Variants in ADGRA3 observed in about 807,000 individuals in gnomAD.
The protein encoded by ADGRA3 is G-protein coupled receptor 125.
Under a neutral mutation model 119.8 loss-of-function variants are expected in ADGRA3, and 56 were observed. The ratio of observed to expected loss-of-function variants is 0.47; its 90% confidence interval spans 0.38 to 0.58. ADGRA3 has a LOEUF of 0.58. Ranked by LOEUF, ADGRA3 falls within the 20% of genes least tolerant of loss-of-function variation. The pLI, the probability that ADGRA3 is intolerant of heterozygous loss-of-function variation, is 0.00. For missense variants in ADGRA3, 1,516 were observed against 1,649.0 expected (o/e 0.92, Z 1.40); for synonymous variants, 607 against 623.8 (o/e 0.97, Z 0.40).
intron 1 of ADGRA3, among the ~76,000 whole-genome samples, chr4:22,511,891 C>CTTTT (rs1418515919): frequency 2.5e-5 from 3 of 118,046 alleles, no homozygotes; most frequent in Admixed American, 9.1e-5. Flanking sequence ...ATTTTTCTTT[C>CTTTT]TTTCTTTTTT....
intron 16 of ADGRA3, among the ~76,000 whole-genome samples, chr4:22,400,386 T>G (rs1172014149): frequency 1.3e-5 from 2 of 152,106 alleles, no homozygotes; most frequent in Non-Finnish European, 2.9e-5. Context: ...AAAATCATAT[T>G]CACCAACATA....
chr4:22,462,217 C>T (rs1232070103), intron 2 of ADGRA3, among the ~76,000 whole-genome samples: 1 of 152,144 alleles, frequency 6.6e-6, no homozygotes, highest in Non-Finnish European at 1.5e-5. Context: ...AAACCATCTT[C>T]AAAAATATAC....
intron 1 of ADGRA3, among the ~76,000 whole-genome samples, chr4:22,498,865 G>C (rs554106202): frequency 1.7e-4 from 26 of 151,714 alleles, no homozygotes; most frequent in Non-Finnish European, 3.5e-4. Context: ...AGTGAGCAGA[G>C]ATCACACCAC....
chr4:22,414,034 A>G (rs1342170031), intron 12 of ADGRA3: 7 of 405,228 alleles, frequency 1.7e-5, no homozygotes, highest in Non-Finnish European at 3.0e-5. Context: ...CAAACTTTAA[A>G]GAGTTAAATA....
intron 16 of ADGRA3, among the ~76,000 whole-genome samples, chr4:22,396,985 C>G (rs557055858): frequency 2.0e-5 from 3 of 152,054 alleles, no homozygotes; most frequent in Admixed American, 2.0e-4. Flanking sequence ...ACAATGAAGA[C>G]CTTTATTGCC....
intron 2 of ADGRA3, among the ~76,000 whole-genome samples, chr4:22,464,994 G>A (rs1048870434): frequency 2.6e-5 from 4 of 152,118 alleles, no homozygotes; most frequent in Admixed American, 6.5e-5. Flanking sequence ...TGAACCAGCC[G>A]GTACCCAGGC....
intron 14 of ADGRA3, 28 bp from the exon 15 acceptor site, chr4:22,402,827 A>G (rs1224102452): frequency 2.6e-5 from 42 of 1,596,540 alleles, no homozygotes; most frequent in Non-Finnish European, 3.5e-5. Context: ...GATCCATTCT[A>G]GCAGTACTTC....
At chr4:22,488,600 G>A (rs1577378760) in intron 1 of ADGRA3, among the ~76,000 whole-genome samples, 1 of 150,692 alleles carries the variant, frequency 6.6e-6, no homozygotes, top group Non-Finnish European at 1.5e-5. Context: ...TGGCTACTTC[G>A]GGGATCTAGA....
chr4:22,485,274 C>T lies in ADGRA3; in HGVS notation c.258-11431G>A, dbSNP rs1198104141. The stretch of plus-strand genomic sequence containing the variant: ...TTTGTTATGTTGGCCAGGCTGGTCT[C>T]GAACTCCTGGCCTCAAGTGATCCAC... On this transcript the variant is annotated intron_variant, in intron 1 of 18. Coordinates refer to ENST00000334304, the MANE Select transcript of ADGRA3 (RefSeq NM_145290.4). 4.5e-5 allele frequency among the ~76,000 whole-genome samples: 5 copies of T among 111,760 alleles called. No homozygotes were observed. In the East Asian group the frequency reaches 1.6e-3, roughly 35 times the overall value. 73.3% of individuals were successfully genotyped at this position (111,760 alleles called of 152,430 possible).
intron 8 of ADGRA3, among the ~76,000 whole-genome samples, chr4:22,437,442 C>A (rs1215901654): frequency 1.3e-5 from 2 of 152,142 alleles, no homozygotes; most frequent in Non-Finnish European, 2.9e-5. Flanking sequence ...AGAGACAATG[C>A]AAACTGGGTA....
At chr4:22,462,128 T>G (rs1346331965) in intron 2 of ADGRA3, among the ~76,000 whole-genome samples, 1 of 152,224 alleles carries the variant, frequency 6.6e-6, no homozygotes, top group South Asian at 2.1e-4. Flanking sequence ...CTATAATTTC[T>G]TCTTTAGTAT....
At chr4:22,454,282 A>C (rs1410748891) in intron 4 of ADGRA3, among the ~76,000 whole-genome samples, 1 of 152,188 alleles carries the variant, frequency 6.6e-6, no homozygotes, top group Non-Finnish European at 1.5e-5. Flanking sequence ...AATTTTAAAT[A>C]ATCATTATAA....
In ADGRA3 at chr4:22,415,521, C is replaced by G. The variant is rs556864252; in HGVS notation, c.1810-1707G>C. Among the ~76,000 whole-genome samples the G allele has an allele frequency of 3.3e-5, 5 of 152,140 alleles. No homozygotes were observed. In the East Asian group the frequency reaches 9.7e-4, roughly 29 times the overall value. ...AGATTTCCATTAAGTACACAAATTT[C>G]TCCTAAGTACATAATGACACATGCA... On this transcript the variant is annotated intron_variant, in intron 12 of 18. Transcript: ENST00000334304.
intron 10 of ADGRA3, among the ~76,000 whole-genome samples, chr4:22,433,139 T>C (rs1716254301): frequency 6.6e-6 from 1 of 152,166 alleles, no homozygotes; most frequent in Admixed American, 6.5e-5. Flanking sequence ...AATTATTCAA[T>C]CCTGAATATT....
At chr4:22,506,174 T>TC (rs1322983669) in intron 1 of ADGRA3, among the ~76,000 whole-genome samples, 1 of 152,162 alleles carries the variant, frequency 6.6e-6, no homozygotes, top group African/African-American at 2.4e-5. Flanking sequence ...GGAGTATTTT[T>TC]CTATCAATCT....
intron 1 of ADGRA3, among the ~76,000 whole-genome samples, chr4:22,503,587 A>G (rs1719127382): frequency 6.6e-6 from 1 of 152,114 alleles, no homozygotes; most frequent in Non-Finnish European, 1.5e-5. Context: ...CCATGGCAGC[A>G]CTGGCTGTTA....
intron 4 of ADGRA3, among the ~76,000 whole-genome samples, chr4:22,447,914 G>C (rs1018481522): frequency 6.6e-6 from 1 of 152,060 alleles, no homozygotes; most frequent in African/African-American, 2.4e-5. Flanking sequence ...AATAACAAAA[G>C]GAAAAGGATG....
In ADGRA3 at chr4:22,413,377, T is replaced by C. The variant is rs1715297074; in HGVS notation, c.2037A>G (p.Val679=). Residue 679 remains valine, a synonymous_variant, in exon 14 of 19, where the codon GTA becomes GTG. Coordinates refer to ENST00000334304, the MANE Select transcript of ADGRA3 (RefSeq NM_145290.4). ...VILTKIDGVN[V]DTHHIPVNVT... ...CATTAACAGGGATGTGGTGGGTATC[T>C]ACATTCACACCATCTGGAGAAAATG... is the stretch of plus-strand genomic sequence containing the variant. The C allele has an allele frequency of 6.8e-6, 11 of 1,613,198 alleles. No individual in the cohort carries two copies. The highest frequency in any genetic ancestry group is 2.2e-5 in the South Asian group (2 of 91,066).
chr4:22,476,648 CTTTTTGGGTTTTTCT>C (rs1250111379), intron 1 of ADGRA3, among the ~76,000 whole-genome samples: 13 of 149,418 alleles, frequency 8.7e-5, no homozygotes, highest in Admixed American at 7.3e-4. Flanking sequence ...TTAATTTATT[CTTTTTGGGTTTTTCT>C]GTTTTGGGTT....
Sources: gnomAD v4.1 joint callset for allele counts (sites outside exome capture counted in the v4.1 genomes callset) on GRCh38, gnomAD v4.1.1 for gene constraint, MANE v1.5 for transcripts, NCBI Gene and HGNC (gene_info 2026-07-23, HGNC 2026-07-21) for gene names.